Variants in SPEF2 observed in about 807,000 individuals in gnomAD.
SPEF2 encodes sperm flagellar and cilia associated 2, also known as sperm flagella and cilia-associated protein 2.
A neutral mutation model predicts 224.6 loss-of-function variants in SPEF2; 187 were observed. The ratio of observed to expected loss-of-function variants is 0.83; its 90% CI spans 0.74 to 0.94. The LOEUF (loss-of-function observed/expected upper bound fraction) is 0.94. Ranked by LOEUF, SPEF2 falls within the 40% of genes least tolerant of loss-of-function variation. The pLI is 0.00. For missense variants in SPEF2, 2,170 were observed against 2,135.6 expected (o/e 1.02, Z -0.32); for synonymous variants, 715 against 707.3 (o/e 1.01, Z -0.17).
At chr5:35,784,651 G>C (rs1754848696) in intron 30 of SPEF2, among the ~76,000 whole-genome samples, 1 of 152,156 alleles carries the variant, frequency 6.6e-6, no homozygotes, top group Non-Finnish European at 1.5e-5. Flanking sequence ...CCAGGCAAAG[G>C]GATGAGCAGC....
chr5:35,755,678 C>T (rs1176555096), intron 24 of SPEF2, among the ~76,000 whole-genome samples: 1 of 152,176 alleles, frequency 6.6e-6, no homozygotes, highest in Non-Finnish European at 1.5e-5. Context: ...GGTGCGATCT[C>T]ACCTCACTGC....
At chr5:35,669,497 C>T (rs1361632494) in intron 9 of SPEF2, among the ~76,000 whole-genome samples, 4 of 151,988 alleles carry the variant, frequency 2.6e-5, no homozygotes, top group Non-Finnish European at 4.4e-5. Flanking sequence ...CATTTATGTA[C>T]GCAATTATTT....
At chr5:35,739,861 A>G (rs1747291052) in intron 21 of SPEF2, 58 bp from the exon 22 acceptor site, 1 of 1,595,418 alleles carries the variant, frequency 6.3e-7, no homozygotes, top group African/African-American at 1.3e-5. Context: ...TTTTGACACT[A>G]TTATTCAGAA....
chr5:35,642,642 C>T (rs17839377), intron 3 of SPEF2, among the ~76,000 whole-genome samples: 8,219 of 152,222 alleles, frequency 0.054, 257 homozygotes, highest in African/African-American at 0.063. Context: ...ACAATTCTCT[C>T]CAGTTTTTAT....
chr5:35,623,674 A>G (rs1003154819), intron 1 of SPEF2, among the ~76,000 whole-genome samples: 5 of 152,244 alleles, frequency 3.3e-5, no homozygotes, highest in African/African-American at 1.2e-4. Flanking sequence ...TCAGGCCTAA[A>G]GAGTGGACCT....
At chr5:35,811,929 T>C (rs1241530208) in intron 36 of SPEF2, among the ~76,000 whole-genome samples, 4 of 151,786 alleles carry the variant, frequency 2.6e-5, no homozygotes, top group African/African-American at 4.8e-5. Context: ...GGACTACAGG[T>C]GCCTGCCACC....
intron 5 of SPEF2, among the ~76,000 whole-genome samples, chr5:35,649,038 A>G (rs1281804182): frequency 6.6e-6 from 1 of 151,886 alleles, no homozygotes; most frequent in Non-Finnish European, 1.5e-5. Context: ...GAAAGAAAAA[A>G]GAAAAGGAAA....
chr5:35,741,316 C>T (rs1319277613), intron 23 of SPEF2, among the ~76,000 whole-genome samples: 1 of 152,174 alleles, frequency 6.6e-6, no homozygotes, highest in Non-Finnish European at 1.5e-5. Context: ...TTTGAACAGA[C>T]TGACAACAGA....
chr5:35,617,979 C>A lies in SPEF2; in HGVS notation c.-19C>A. On this transcript the variant is annotated 5_prime_UTR_variant, in exon 1 of 37. In the 5' UTR this introduces an upstream ATG that the reference lacks. Transcript: ENST00000356031. ...GAGTTTCTAAGCCCCCGCCTGCGGTCTGAGGCACCGGCTGAACCATGTCGG... is the reference window on the plus strand; with the variant it reads ...GAGTTTCTAAGCCCCCGCCTGCGGTATGAGGCACCGGCTGAACCATGTCGG... 6.4e-7 allele frequency: 1 copy of A among 1,569,958 alleles called. No homozygotes were observed.
intron 30 of SPEF2, chr5:35,789,116 T>C (rs1218377684): frequency 1.0e-5 from 7 of 695,796 alleles, no homozygotes; most frequent in Non-Finnish European, 1.8e-5. Context: ...ATAATAATTT[T>C]GGGAAAGATA....
At chr5:35,658,077 A>T (rs373494402) in intron 7 of SPEF2, among the ~76,000 whole-genome samples, 14 of 152,276 alleles carry the variant, frequency 9.2e-5, no homozygotes, top group African/African-American at 3.1e-4. Context: ...CTCTTTCCAC[A>T]TGATGTCTCT....
intron 29 of SPEF2, among the ~76,000 whole-genome samples, chr5:35,776,930 A>G (rs955439416): frequency 2.0e-4 from 31 of 152,120 alleles, no homozygotes; most frequent in Non-Finnish European, 3.8e-4. Flanking sequence ...TGTTAGTTCA[A>G]CCTTAAAAGG....
chr5:35,699,507 A>T (rs1738128874), intron 15 of SPEF2: 2 of 152,216 alleles, frequency 1.3e-5, no homozygotes, highest in Non-Finnish European at 2.9e-5. Flanking sequence ...AATTTGTGTT[A>T]AACAGAGAAA....
chr5:35,751,043 GTA>G lies in SPEF2; in HGVS notation c.3331-2570_3331-2569del, dbSNP rs1306300327. Among the ~76,000 whole-genome samples the G allele has an allele frequency of 2.5e-4, 7 of 27,682 alleles. 1 individual carries two copies. The highest frequency in any genetic ancestry group is 4.4e-4 in the African/African-American group (4 of 9,056). 18.2% of individuals were successfully genotyped at this position (27,682 alleles called of 152,430 possible). ...TATATACGTATATATATACACATAT[GTA>G]TATATATATACGTATATATATGTAT... is the stretch of plus-strand genomic sequence containing the variant. On this transcript the variant is annotated intron_variant, in intron 23 of 36. Coordinates refer to ENST00000356031, the MANE Select transcript of SPEF2 (RefSeq NM_024867.4).
Position 35,654,716 on chromosome 5 carries a change from A to G in SPEF2, c.968A>G (p.Glu323Gly), listed in dbSNP as rs1322887692. ...KLLMDQLIAH[E>G]AQEEAYREEQ... ...TTAATGGACCAGTTAATAGCCCACG[A>G]AGCACAAGAGGTAAGATATTTAGAT... The change falls in exon 7 of 37, where the codon GAA (glutamate) becomes GGA (glycine). Residue 323 changes from glutamate to glycine, a missense_variant. By Grantham distance (98) the Glu-to-Gly change is moderately conservative. Transcript: ENST00000356031. The G allele has an allele frequency of 1.2e-6, 2 of 1,606,642 alleles. No individual in the cohort carries two copies. The highest frequency in any genetic ancestry group is 2.2e-5 in the South Asian group (2 of 89,184).
At chr5:35,807,027 CAT>C in intron 35 of SPEF2, 75 bp downstream of exon 35, 2 of 1,559,280 alleles carry the variant, frequency 1.3e-6, no homozygotes, top group Non-Finnish European at 1.7e-6. Flanking sequence ...CAAAATATAT[CAT>C]AGTATGAAAT....
chr5:35,689,644 G>T (rs1187725500), intron 10 of SPEF2, among the ~76,000 whole-genome samples: 2 of 152,066 alleles, frequency 1.3e-5, no homozygotes, highest in Non-Finnish European at 2.9e-5. Context: ...TAAGATAATG[G>T]CCTCCAGCTG....
chr5:35,746,013 C>T (rs1475252144), intron 23 of SPEF2, among the ~76,000 whole-genome samples: 1 of 152,188 alleles, frequency 6.6e-6, no homozygotes, highest in African/African-American at 2.4e-5. Flanking sequence ...TGCAGACAAC[C>T]CCCAGTACCA....
At chr5:35,618,783 C>T (rs1236892437) in intron 1 of SPEF2, among the ~76,000 whole-genome samples, 1 of 152,168 alleles carries the variant, frequency 6.6e-6, no homozygotes, top group Non-Finnish European at 1.5e-5. Context: ...CCAAGTCTGA[C>T]AACCACAGAG....
Sources: allele counts gnomAD v4.1 joint callset (sites outside exome capture counted in the v4.1 genomes callset), GRCh38; gene constraint gnomAD v4.1.1; transcripts MANE v1.5; gene names NCBI Gene and HGNC (gene_info 2026-07-23, HGNC 2026-07-21).